SIRT1: variants seen among roughly 807,000 people sequenced by gnomAD.
SIRT1 encodes sirtuin 1, also known as NAD-dependent protein deacetylase sirtuin-1.
Under a neutral mutation model 67.9 loss-of-function variants are expected in SIRT1, and 24 were observed. The ratio of observed to expected loss-of-function variants is 0.35; its 90% CI spans 0.26 to 0.50. The LOEUF (loss-of-function observed/expected upper bound fraction) is 0.50. Among genes scored for constraint, SIRT1 ranks in the 20% least tolerant of loss-of-function variants. The probability of loss-of-function intolerance (pLI) is 0.98; values close to 1 mark genes in which losing one functional copy is unlikely to be tolerated. For missense variants in SIRT1, 873 were observed against 937.2 expected (o/e 0.93, Z 0.89); for synonymous variants, 378 against 350.7 (o/e 1.08, Z -0.87).
chr10:67,914,059 A>ATTTTTTTTTTTT (rs57073724), intron 8 of SIRT1, among the ~76,000 whole-genome samples: 4 of 88,232 alleles, frequency 4.5e-5, no homozygotes, highest in African/African-American at 2.1e-4. Context: ...CAAAAGGTAG[A>ATTTTTTTTTTTT]TTTTTTTTTT....
chr10:67,891,396 T>C lies in SIRT1; in HGVS notation c.790-6T>C, dbSNP rs771894261. 1 of 1,613,472 alleles carries C rather than the reference T, an allele frequency of 6.2e-7. No homozygotes were observed. The highest frequency in any genetic ancestry group is 8.5e-7 in the Non-Finnish European group (1 of 1,179,534). On this transcript the variant is annotated splice_region_variant and splice_polypyrimidine_tract_variant and intron_variant, in intron 3 of 8. Coordinates refer to ENST00000212015, the MANE Select transcript of SIRT1 (RefSeq NM_012238.5). ...AATTTTACAAATTATGCCATGCACATTTTAGGTGTCTGTTTCATGTGGAAT... is the reference window on the plus strand; with the variant it reads ...AATTTTACAAATTATGCCATGCACACTTTAGGTGTCTGTTTCATGTGGAAT...
chr10:67,889,216 C>T (rs964623915), intron 3 of SIRT1, 93 bp downstream of exon 3: 5 of 1,371,420 alleles, frequency 3.6e-6, no homozygotes, highest in African/African-American at 2.9e-5. Flanking sequence ...AGGATTTATC[C>T]TTACATGATA....
Position 67,916,578 on chromosome 10 carries a change from A to C in SIRT1, c.2229A>C (p.Pro743=), listed in dbSNP as rs201496893. Residue 743 remains proline, a synonymous_variant, in exon 9 of 9, where the codon CCA becomes CCC. Coordinates refer to ENST00000212015, the MANE Select transcript of SIRT1 (RefSeq NM_012238.5). The part of the protein sequence containing the change: ...VKQEVTDMNY[P]SNKS ...AGGAAGTAACAGACATGAACTATCC[A>C]TCAAACAAATCATAGTGTAATAATT... is the stretch of plus-strand genomic sequence containing the variant. 2.5e-5 allele frequency: 40 copies of C among 1,608,954 alleles called. No homozygotes were observed. Among genetic ancestry groups the C allele is most frequent in the Admixed American group, 3.3e-5 (2 of 59,786 alleles).
chr10:67,884,976 G>A lies in SIRT1; in HGVS notation c.255G>A (p.Ala85=). 2 of 1,266,824 alleles carry A rather than the reference G, an allele frequency of 1.6e-6. No homozygotes were observed. The highest frequency in any genetic ancestry group is 1.0e-6 in the Non-Finnish European group (1 of 1,004,758). 78.5% of individuals were successfully genotyped at this position (1,266,824 alleles called of 1,614,324 possible). A position where few individuals can be genotyped will look rare whatever the true frequency, so the allele number is the denominator to read the frequency against. The stretch of plus-strand genomic sequence containing the variant: ...GGGAGGCGGAGGCAGAGGCGGCGGC[G>A]GCAGGCGGGGAGCAAGAGGCCCAGG... ...LWREAEAEAA[A]AGGEQEAQAT... The change falls in exon 1 of 9, where the codon GCG becomes GCA. Residue 85 remains alanine (A), a synonymous_variant. Coordinates refer to ENST00000212015, the MANE Select transcript of SIRT1 (RefSeq NM_012238.5).
At chr10:67,888,162 A>G (rs1842515729) in intron 2 of SIRT1, among the ~76,000 whole-genome samples, 1 of 152,222 alleles carries the variant, frequency 6.6e-6, no homozygotes, top group East Asian at 1.9e-4. Context: ...ATGGGAAAGT[A>G]TTTCGATGTA....
At chr10:67,913,305 A>G (rs181368272) in intron 8 of SIRT1, among the ~76,000 whole-genome samples, 12 of 152,296 alleles carry the variant, frequency 7.9e-5, no homozygotes, top group Admixed American at 7.9e-4. Flanking sequence ...GACAGATTTG[A>G]GTGCTTACTG....
chr10:67,885,376 C>T, intron 1 of SIRT1: 5 of 1,231,316 alleles, frequency 4.1e-6, no homozygotes, highest in Non-Finnish European at 5.1e-6. Context: ...GCCTGGGCGG[C>T]CTTGTTCTTT....
At chr10:67,910,602 A>G (rs1191237037) in intron 7 of SIRT1, among the ~76,000 whole-genome samples, 1 of 152,184 alleles carries the variant, frequency 6.6e-6, no homozygotes, top group Non-Finnish European at 1.5e-5. Flanking sequence ...ATTCAAATGT[A>G]TAGTTTGGTA....
At chr10:67,904,122 T>A (rs926689635) in intron 4 of SIRT1, among the ~76,000 whole-genome samples, 7 of 138,950 alleles carry the variant, frequency 5.0e-5, no homozygotes, top group East Asian at 2.1e-4. Context: ...TAGTTTTTTT[T>A]GTTTGTTTTT....
In SIRT1 at chr10:67,896,806, C is replaced by T. The variant is rs530710082; in HGVS notation, c.942+5252C>T. Among the ~76,000 whole-genome samples the T allele has an allele frequency of 8.4e-4, 124 of 148,266 alleles. 1 individual carries two copies. Among genetic ancestry groups the T allele is most frequent in the African/African-American group, 2.6e-3 (106 of 40,228 alleles). On this transcript the variant is annotated intron_variant, in intron 4 of 8. Transcript: ENST00000212015. ...AAAAAAATTCGCTGGTCTCCACCTA[C>T]GTTTGTATCCCCACCCCAAGTCCTG...
chr10:67,890,476 G>T (rs1445610799), intron 3 of SIRT1, among the ~76,000 whole-genome samples: 21 of 152,136 alleles, frequency 1.4e-4, no homozygotes, highest in Non-Finnish European at 2.2e-4. Context: ...CTGGTGGAGT[G>T]GCTCATGCAT....
chr10:67,885,165 G>T lies in SIRT1; in HGVS notation c.430+14G>T. 1 of 1,374,300 alleles carries T rather than the reference G, an allele frequency of 7.3e-7. No homozygotes were observed. The highest frequency in any genetic ancestry group is 9.5e-7 in the Non-Finnish European group (1 of 1,056,042). The allele number at this position is 1,374,300 out of a possible 1,614,324, so 85.1% of individuals were successfully genotyped here. ...TTGGGTACCGAGGTGCGCAGGGTGC[G>T]GGCGGCCGGAACTGCGCATCTCCTC... On this transcript the variant is annotated intron_variant, in intron 1 of 8. Transcript: ENST00000212015.
In SIRT1 at chr10:67,909,382, G is replaced by C. The variant is rs745364339; in HGVS notation, c.1297G>C (p.Val433Leu). Residue 433 changes from valine to leucine, a missense_variant, in exon 7 of 9, where the codon GTT (valine) becomes CTT (leucine). By Grantham distance (32) the Val-to-Leu change is conservative. This residue lies in a region of SIRT1 where 251 missense variants were observed against 358.8 expected (regional missense o/e 0.70). Transcript: ENST00000212015. ...AGCCATGAAGTATGACAAAGATGAA[G>C]TTGACCTCCTCATTGTTATTGGGTC... ...HRAMKYDKDEVDLLIVIGSSL... is the reference protein window; with the variant it reads ...HRAMKYDKDELDLLIVIGSSL... 6.2e-7 allele frequency: 1 copy of C among 1,613,680 alleles called. No homozygotes were observed.
At chr10:67,894,900 A>G (rs1431709093) in intron 4 of SIRT1, among the ~76,000 whole-genome samples, 1 of 151,996 alleles carries the variant, frequency 6.6e-6, no homozygotes, top group East Asian at 1.9e-4. Flanking sequence ...GGGTTTCACC[A>G]TGTTGGCAAG....
chr10:67,896,355 G>A (rs1054784486), intron 4 of SIRT1, among the ~76,000 whole-genome samples: 1 of 152,102 alleles, frequency 6.6e-6, no homozygotes, highest in African/African-American at 2.4e-5. Flanking sequence ...ATGTTGTCCA[G>A]GCTGGTCTTG....
At position 67,912,799 on chromosome 10, in the gene SIRT1, G is replaced by A. The variant is rs149313098; in HGVS notation, c.1683G>A (p.Lys561=). Residue 561 remains lysine (K), a synonymous_variant, in exon 8 of 9, where the codon AAG becomes AAA. Transcript: ENST00000212015. ...VIVTLLDQAA[K]SNDDLDVSES... Reference sequence around the variant, plus strand: ...TCACACTTTTAGACCAAGCAGCTAAGAGTAATGATGATTTAGATGTGTCTG... The same window carrying A: ...TCACACTTTTAGACCAAGCAGCTAAAAGTAATGATGATTTAGATGTGTCTG... 111 of 1,614,014 alleles carry A rather than the reference G, an allele frequency of 6.9e-5. No homozygotes were observed. Among genetic ancestry groups the A allele is most frequent in the Non-Finnish European group, 1.4e-5 (17 of 1,180,024 alleles).
rs1299228715 is a variant in SIRT1 at position 67,912,535 on chromosome 10, T to C, written c.1419T>C (p.His473=). ...LINREPLPHL[H]FDVELLGDCD... ...ATAGAGAACCTTTGCCTCATCTGCA[T>C]TTTGATGTAGAGCTTCTTGGAGACT... Residue 473 remains histidine, a synonymous_variant, in exon 8 of 9, where the codon CAT becomes CAC. Coordinates refer to ENST00000212015, the MANE Select transcript of SIRT1 (RefSeq NM_012238.5). 1 of 1,614,084 alleles carries C rather than the reference T, an allele frequency of 6.2e-7. No individual in the cohort carries two copies. Among genetic ancestry groups the C allele is most frequent in the South Asian group, 1.1e-5 (1 of 91,070 alleles).
At chr10:67,888,795 C>A in intron 2 of SIRT1, 87 bp from the exon 3 acceptor site, 2 of 1,449,794 alleles carry the variant, frequency 1.4e-6, no homozygotes, top group Non-Finnish European at 1.8e-6. Context: ...AAAACCCTCA[C>A]AGAATGCTAA....
At chr10:67,909,536 C>T in intron 7 of SIRT1, 94 bp downstream of exon 7, 2 of 1,067,500 alleles carry the variant, frequency 1.9e-6, no homozygotes, top group South Asian at 4.1e-5. Flanking sequence ...AACTCTGCTT[C>T]TGTTTGAAAG....
Sources: allele counts gnomAD v4.1 joint callset (sites outside exome capture counted in the v4.1 genomes callset), GRCh38; gene constraint gnomAD v4.1.1; regional missense constraint gnomAD v4.1.1; transcripts MANE v1.5; gene names NCBI Gene and HGNC (gene_info 2026-07-23, HGNC 2026-07-21).